The following SYT7 variants were observed in gnomAD, a reference collection of about 807,000 sequenced individuals.
The protein encoded by SYT7 is synaptotagmin 7, also known as synaptotagmin-7.
SYT7 carries 29 observed loss-of-function variants against 75.1 expected under a neutral mutation model. That is an observed-to-expected ratio of 0.39 (90% confidence interval 0.29 to 0.53). The LOEUF (loss-of-function observed/expected upper bound fraction) is 0.53. SYT7 is among the 20% of genes least tolerant of loss of function. SYT7 has a pLI of 0.77. For synonymous variants in SYT7, 376 were observed against 401.7 expected, an observed-to-expected ratio of 0.94 and a Z score of 0.76; for missense variants, 693 against 953.2, an observed-to-expected ratio of 0.73 and a Z score of 3.59.
At chr11:61,532,776 G>T (rs545403415) in intron 8 of SYT7, among the ~76,000 whole-genome samples, 2 of 152,338 alleles carry the variant, frequency 1.3e-5, no homozygotes, top group South Asian at 4.1e-4. Context: ...ATATTTTGGT[G>T]AAAGAGCTGG....
At chr11:61,577,713 A>G (rs1379712125) in intron 1 of SYT7, among the ~76,000 whole-genome samples, 1 of 152,162 alleles carries the variant, frequency 6.6e-6, no homozygotes, top group Non-Finnish European at 1.5e-5. Flanking sequence ...AACAGAGCCC[A>G]CTAACAGGTG....
intron 1 of SYT7, among the ~76,000 whole-genome samples, chr11:61,573,956 C>T (rs574910461): frequency 2.0e-5 from 3 of 152,366 alleles, no homozygotes; most frequent in South Asian, 2.1e-4. Flanking sequence ...AGGATGGAGG[C>T]GCTAACGCAT....
rs2062149694 is a variant in SYT7, at chr11:61,516,408, A to G, written c.*2219T>C. 6.6e-6 allele frequency: 1 copy of G among 152,100 alleles called. No individual in the cohort carries two copies. The highest frequency in any genetic ancestry group is 1.5e-5 in the Non-Finnish European group (1 of 68,032). 9.4% of individuals were successfully genotyped at this position (152,100 alleles called of 1,614,324 possible). A position where few individuals can be genotyped will look rare whatever the true frequency, so the allele number is the denominator to read the frequency against. ...GCTCTGTGGGCGGGGCTCGGGAAAAATGGGGAGCCGTTGCCCCGCCCACTC... is the reference window on the plus strand; with the variant it reads ...GCTCTGTGGGCGGGGCTCGGGAAAAGTGGGGAGCCGTTGCCCCGCCCACTC... On this transcript the variant is annotated 3_prime_UTR_variant, in exon 13 of 13. Coordinates refer to ENST00000539008, the MANE Select transcript of SYT7 (RefSeq NM_001365809.2). This position sits in a 1 kb window ranked among gnomAD's most constrained non-coding sequence, Gnocchi z 4.6.
chr11:61,564,531 C>T (rs937726762), intron 1 of SYT7, among the ~76,000 whole-genome samples: 43 of 152,182 alleles, frequency 2.8e-4, no homozygotes, highest in African/African-American at 9.9e-4. Context: ...GGGTTAAATG[C>T]CTGCCCAGGA....
chr11:61,517,811 A>T lies in SYT7; in HGVS notation c.*816T>A. ...ATTGCTGAGGAGGGAACTACTTCAG[A>T]TTCTGAGCAGAGGGGGGCACCAAGG... On this transcript the variant is annotated 3_prime_UTR_variant, in exon 13 of 13. Coordinates refer to ENST00000539008, the MANE Select transcript of SYT7 (RefSeq NM_001365809.2). 1 of 307,436 alleles carries T rather than the reference A, an allele frequency of 3.3e-6. No homozygotes were observed. 19.0% of individuals were successfully genotyped at this position (307,436 alleles called of 1,614,324 possible).
chr11:61,586,631 G>C, the SYT7 span, among the ~76,000 whole-genome samples: 2 of 152,206 alleles, frequency 1.3e-5, no homozygotes, highest in Non-Finnish European at 2.9e-5. Flanking sequence ...ACAACATTTT[G>C]CCCATAATTG....
intron 8 of SYT7, among the ~76,000 whole-genome samples, chr11:61,532,114 G>C (rs1255712571): frequency 6.6e-6 from 1 of 152,046 alleles, no homozygotes; most frequent in East Asian, 1.9e-4. Flanking sequence ...GGGAGGGCTG[G>C]GAGCTCCCAA....
chr11:61,529,933 C>T lies in SYT7; in HGVS notation c.1201-1748G>A, dbSNP rs549696229. Among the ~76,000 whole-genome samples the T allele has an allele frequency of 3.3e-5, 5 of 152,350 alleles. No homozygotes were observed. The East Asian group carries it at 9.6e-4, about 29-fold the overall frequency. ...TACAGGCATGAGCCACACACCCGGC[C>T]TCACACTCACAGCAGTAACTATCTT... On this transcript the variant is annotated intron_variant, in intron 8 of 12. Transcript: ENST00000539008.
At position 61,538,137 on chromosome 11, in the gene SYT7, C is replaced by T. The variant is rs894764910; in HGVS notation, c.1064+7G>A. 6.5e-7 allele frequency: 1 copy of T among 1,535,962 alleles called. No individual in the cohort carries two copies. The highest frequency in any genetic ancestry group is 8.7e-7 in the Non-Finnish European group (1 of 1,146,780). ...CCGCCGCCGCAGGCCCTCGCCTGTG[C>T]TCGTACCTCTTGTCCCCCTGAGCGT... On this transcript the variant is annotated splice_region_variant and intron_variant, in intron 7 of 12. Coordinates refer to ENST00000539008, the MANE Select transcript of SYT7 (RefSeq NM_001365809.2).
At chr11:61,529,914 C>G (rs777861998) in intron 8 of SYT7, among the ~76,000 whole-genome samples, 1 of 152,200 alleles carries the variant, frequency 6.6e-6, no homozygotes, top group Non-Finnish European at 1.5e-5. Flanking sequence ...AGATTACAGG[C>G]ATGAGCCACA....
intron 8 of SYT7, 147 bp from the exon 9 acceptor site, chr11:61,528,332 G>A: frequency 9.8e-7 from 1 of 1,022,278 alleles, no homozygotes; most frequent in Non-Finnish European, 1.4e-6. Context: ...CAGAGGGCAG[G>A]TGCCTTGACC....
At chr11:61,583,782 T>C (rs1590979153), upstream of SYT7, among the ~76,000 whole-genome samples, 1 of 152,166 alleles carries the variant, frequency 6.6e-6, no homozygotes. Flanking sequence ...CGCCATGAGA[T>C]ATAGTTGTGC....
chr11:61,520,484 C>T (rs1378776929), intron 12 of SYT7, among the ~76,000 whole-genome samples: 1 of 151,852 alleles, frequency 6.6e-6, no homozygotes, highest in Admixed American at 6.6e-5. Flanking sequence ...CATGATTGTG[C>T]CACTGCACTC....
chr11:61,533,474 G>C, intron 7 of SYT7: 1 of 985,394 alleles, frequency 1.0e-6, no homozygotes, highest in Non-Finnish European at 1.2e-6. Context: ...GTCCTCAGAG[G>C]CTTGTTCTAT....
upstream of SYT7, among the ~76,000 whole-genome samples, chr11:61,583,476 G>A (rs901282551): frequency 1.3e-5 from 2 of 152,224 alleles, no homozygotes; most frequent in African/African-American, 4.8e-5. Context: ...GTCAGGTGAT[G>A]AAGGCAAGGC....
Position 61,517,464 on chromosome 11 carries a change from G to A in SYT7, c.*1163C>T, listed in dbSNP as rs1280229537. On this transcript the variant is annotated 3_prime_UTR_variant, in exon 13 of 13. Coordinates refer to ENST00000539008, the MANE Select transcript of SYT7 (RefSeq NM_001365809.2). ...TCCTGGAGAAGGTCAGGTGATGGACGATCAGAGACCACGCACGATGAGACG... is the reference window on the plus strand; with the variant it reads ...TCCTGGAGAAGGTCAGGTGATGGACAATCAGAGACCACGCACGATGAGACG... 8 of 398,768 alleles carry A rather than the reference G, an allele frequency of 2.0e-5. No homozygotes were observed. Among genetic ancestry groups the A allele is most frequent in the Non-Finnish European group, 3.1e-5 (7 of 226,230 alleles). The allele number at this position is 398,768 out of a possible 1,614,324, so 24.7% of individuals were successfully genotyped here. A position where few individuals can be genotyped will look rare whatever the true frequency, so the allele number is the denominator to read the frequency against.
upstream of SYT7, among the ~76,000 whole-genome samples, chr11:61,585,675 G>T (rs2064371845): frequency 6.6e-6 from 1 of 152,166 alleles, no homozygotes; most frequent in African/African-American, 2.4e-5. Flanking sequence ...AATACTTGCT[G>T]ATCTATTGCC....
At chr11:61,561,644 C>T (rs1361983914) in intron 1 of SYT7, among the ~76,000 whole-genome samples, 4 of 152,116 alleles carry the variant, frequency 2.6e-5, no homozygotes, top group African/African-American at 7.2e-5. Flanking sequence ...CCAGCACCAA[C>T]GGTGGAGCAT....
intron 12 of SYT7, 125 bp from the exon 13 acceptor site, chr11:61,518,856 T>TACCCCACAG (rs201838981): frequency 0.013 from 7,557 of 572,542 alleles, 114 homozygotes; most frequent in South Asian, 0.058. Flanking sequence ...CTCCACATGC[T>TACCCCACAG]GTGACAACCT....
Sources: gnomAD v4.1 joint callset for allele counts (sites outside exome capture counted in the v4.1 genomes callset) on GRCh38, gnomAD v4.1.1 for gene constraint, Gnocchi (gnomAD v3.1) non-coding constraint, MANE v1.5 for transcripts, NCBI Gene and HGNC (gene_info 2026-07-23, HGNC 2026-07-21) for gene names.